The following TENM4 variants were observed in gnomAD, a reference collection of about 807,000 sequenced individuals.
TENM4 encodes the protein teneurin-4.
In TENM4, 82 loss-of-function variants were observed where a neutral mutation model predicts 243.3. The ratio of observed to expected loss-of-function variants is 0.34; its 90% CI spans 0.28 to 0.40. The LOEUF (loss-of-function observed/expected upper bound fraction) is 0.40. TENM4 is among the 10% of genes least tolerant of loss of function. The pLI is 1.00. For missense variants in TENM4, 3,138 were observed against 3,673.3 expected (o/e 0.85, Z 3.77); for synonymous variants, 1,412 against 1,456.3 (o/e 0.97, Z 0.69).
intron 7 of TENM4, among the ~76,000 whole-genome samples, chr11:78,892,445 C>T (rs640586): frequency 0.95 from 144,443 of 152,246 alleles, 68,826 homozygotes; most frequent in Non-Finnish European, 1. Context: ...TTAGAGCCAG[C>T]ATTCCCAAAT....
intron 4 of TENM4, among the ~76,000 whole-genome samples, chr11:79,125,667 C>G (rs935404023): frequency 1.3e-5 from 2 of 152,170 alleles, no homozygotes; most frequent in Admixed American, 6.5e-5. Context: ...GTAGTGGCAA[C>G]ATTCCCTCCC....
chr11:79,234,750 T>G (rs1478951710), intron 2 of TENM4, among the ~76,000 whole-genome samples: 1 of 152,176 alleles, frequency 6.6e-6, no homozygotes, highest in South Asian at 2.1e-4. Context: ...TACGTGGGAA[T>G]GGAGGTGGGT....
rs965180763 is a variant in TENM4, at chr11:78,900,989, A to T, written c.749+2279T>A. ...CAGGACTCTGGGGTCACAGAGGAAG[A>T]CTTCCTCAAACATTTCAACCGGGGC... On this transcript the variant is annotated intron_variant, in intron 7 of 33. Coordinates refer to ENST00000278550, the MANE Select transcript of TENM4 (RefSeq NM_001098816.3). Among the ~76,000 whole-genome samples the T allele has an allele frequency of 3.9e-5, 6 of 152,172 alleles. 1 individual carries two copies. The South Asian group carries it at 8.3e-4, about 21-fold the overall frequency.
intron 3 of TENM4, among the ~76,000 whole-genome samples, chr11:79,176,264 A>G (rs148468302): frequency 3.7e-4 from 56 of 152,290 alleles, no homozygotes; most frequent in African/African-American, 1.2e-3. Context: ...TTGCATTTCC[A>G]AACAGTGAGA....
chr11:78,968,277 C>A (rs1857476341), intron 6 of TENM4, among the ~76,000 whole-genome samples: 1 of 152,164 alleles, frequency 6.6e-6, no homozygotes. Context: ...GCACCATGAG[C>A]CAAATAAACC....
At chr11:78,897,847 C>T (rs1301447085) in intron 7 of TENM4, among the ~76,000 whole-genome samples, 1 of 152,150 alleles carries the variant, frequency 6.6e-6, no homozygotes, top group African/African-American at 2.4e-5. Flanking sequence ...AGGATGGCCC[C>T]CATCCCTGAG....
intron 2 of TENM4, among the ~76,000 whole-genome samples, chr11:79,229,743 T>C (rs1864339882): frequency 6.6e-6 from 1 of 152,240 alleles, no homozygotes; most frequent in Admixed American, 6.5e-5. Context: ...TATTGCTACA[T>C]TGAAAGGACA....
chr11:79,172,643 G>T (rs1050116802), intron 3 of TENM4, among the ~76,000 whole-genome samples: 1 of 147,900 alleles, frequency 6.8e-6, no homozygotes, highest in African/African-American at 2.5e-5. Flanking sequence ...CAGCAGGAGT[G>T]TTCTAATTCA....
At chr11:78,853,121 A>G (rs1858582908) in intron 12 of TENM4, among the ~76,000 whole-genome samples, 1 of 152,102 alleles carries the variant, frequency 6.6e-6, no homozygotes, top group African/African-American at 2.4e-5. Context: ...CGACTGAGAC[A>G]GAGTTTTCAG....
At chr11:79,364,615 T>A (rs1857645381) in intron 1 of TENM4, among the ~76,000 whole-genome samples, 1 of 152,242 alleles carries the variant, frequency 6.6e-6, no homozygotes, top group East Asian at 1.9e-4. Flanking sequence ...TTATTAAACA[T>A]CTGTTACATG....
chr11:78,689,939 G>A (rs1310966162), intron 28 of TENM4, among the ~76,000 whole-genome samples: 1 of 152,206 alleles, frequency 6.6e-6, no homozygotes, highest in Non-Finnish European at 1.5e-5. Flanking sequence ...CTCTGCGGCT[G>A]GGGCCTTTTC....
At position 79,316,747 on chromosome 11, in the gene TENM4, G is replaced by A. The variant is rs147726301; in HGVS notation, c.-320-19204C>T. 2.5e-3 allele frequency among the ~76,000 whole-genome samples: 374 copies of A among 152,310 alleles called. 2 individuals carry two copies. The highest frequency in any genetic ancestry group is 3.7e-3 in the Non-Finnish European group (255 of 68,028). ...CAGGCAAGAGTGCCTGTGGATTATA[G>A]TCAATAGCCCTGGTGTTTTGCTCCT... On this transcript the variant is annotated intron_variant, in intron 1 of 33. Transcript: ENST00000278550.
chr11:78,756,580 G>A (rs7483896), intron 19 of TENM4: 1 of 530,572 alleles, frequency 1.9e-6, no homozygotes, highest in African/African-American at 1.9e-5. Context: ...TCACCCAGTG[G>A]GAGCAACAAA....
At chr11:78,837,887 C>A (rs144051715) in intron 12 of TENM4, among the ~76,000 whole-genome samples, 947 of 152,212 alleles carry the variant, frequency 6.2e-3, no homozygotes, top group Non-Finnish European at 0.01. Flanking sequence ...TTCCAAATTG[C>A]CACAATTTTA....
intron 3 of TENM4, among the ~76,000 whole-genome samples, chr11:79,192,337 G>A (rs954303453): frequency 6.6e-6 from 1 of 152,238 alleles, no homozygotes; most frequent in East Asian, 1.9e-4. Context: ...GGGGCAAGGC[G>A]GGGAAAAGAT....
chr11:79,430,196 A>T (rs984797530), intron 1 of TENM4, among the ~76,000 whole-genome samples: 2 of 128,936 alleles, frequency 1.6e-5, no homozygotes, highest in Admixed American at 1.5e-4. Context: ...GCGAAAAAAA[A>T]AAAAAGAAAA....
intron 12 of TENM4, among the ~76,000 whole-genome samples, chr11:78,839,004 A>G (rs922831821): frequency 6.6e-6 from 1 of 152,244 alleles, no homozygotes; most frequent in Non-Finnish European, 1.5e-5. Context: ...CAAATAATAA[A>G]TTTTTACATG....
At chr11:79,265,030 A>T (rs2135333032) in intron 2 of TENM4, among the ~76,000 whole-genome samples, 1 of 152,356 alleles carries the variant, frequency 6.6e-6, no homozygotes, top group Non-Finnish European at 1.5e-5. Context: ...TAGACGAAGC[A>T]TAACACCTGC....
At chr11:78,904,359 C>CAAAAAAAAAAAGA (rs1856014471) in intron 6 of TENM4, among the ~76,000 whole-genome samples, 1 of 77,268 alleles carries the variant, frequency 1.3e-5, no homozygotes, top group Non-Finnish European at 2.3e-5. Context: ...GACTCTGTCT[C>CAAAAAAAAAAAGA]AAAAAAAAAA....
Sources: allele counts gnomAD v4.1 joint callset (sites outside exome capture counted in the v4.1 genomes callset), GRCh38; gene constraint gnomAD v4.1.1; transcripts MANE v1.5; gene names NCBI Gene and HGNC (gene_info 2026-07-23, HGNC 2026-07-21).